RBFOX1: variants seen among roughly 807,000 people sequenced by gnomAD.
RBFOX1 encodes RNA binding fox-1 homolog 1.
Under a neutral mutation model 57.7 loss-of-function variants are expected in RBFOX1, and 8 were observed. The observed-to-expected ratio is 0.14, with a 90% CI of 0.08 to 0.25. The LOEUF (loss-of-function observed/expected upper bound fraction) is 0.25, where lower values mean the gene tolerates loss of function less well. Among genes scored for constraint, RBFOX1 ranks in the 10% least tolerant of loss-of-function variants. The probability of loss-of-function intolerance (pLI) is 1.00; values close to 1 mark genes in which losing one functional copy is unlikely to be tolerated. For synonymous variants in RBFOX1, 326 were observed against 222.4 expected (o/e 1.47, Z -4.15); for missense variants, 611 against 548.5 (o/e 1.11, Z -1.14).
intron 4 of RBFOX1, among the ~76,000 whole-genome samples, chr16:5,997,519 C>T (rs1424130): frequency 2.6e-5 from 4 of 152,102 alleles, no homozygotes; most frequent in Non-Finnish European, 4.4e-5. Context: ...CACACCTGTA[C>T]TTTATCTGAC....
At chr16:7,345,858 A>G (rs1442501855) in intron 4 of RBFOX1, among the ~76,000 whole-genome samples, 1 of 152,052 alleles carries the variant, frequency 6.6e-6, no homozygotes, top group Non-Finnish European at 1.5e-5. Context: ...TTTAAGTTCT[A>G]GGGTACATGT....
At position 6,896,372 on chromosome 16, in the gene RBFOX1, A is replaced by G. The variant is rs572950009; in HGVS notation, c.-15-155685A>G. ...TGAGTATAGTAATCAAATAATATGT[A>G]TGTCTTTTTCTTTCTTTTTTTCTTT... On this transcript the variant is annotated intron_variant, in intron 3 of 15. Transcript: ENST00000550418. 2.0e-5 allele frequency among the ~76,000 whole-genome samples: 3 copies of G among 152,282 alleles called. No individual in the cohort carries two copies. In the East Asian group the frequency reaches 5.8e-4, roughly 29 times the overall value.
chr16:5,260,549 C>T (rs1299314369), intron 1 of RBFOX1: 1 of 152,212 alleles, frequency 6.6e-6, no homozygotes, highest in Non-Finnish European at 1.5e-5. Flanking sequence ...GTTTCTAGAA[C>T]ATCTAAGAAA....
intron 2 of RBFOX1, among the ~76,000 whole-genome samples, chr16:6,459,073 C>T (rs371926019): frequency 5.3e-5 from 8 of 152,350 alleles, no homozygotes; most frequent in South Asian, 4.1e-4. Context: ...TGGTGGCTCA[C>T]GCCTGTAATC....
chr16:7,170,688 T>G (rs1175599159), intron 4 of RBFOX1, among the ~76,000 whole-genome samples: 1 of 152,232 alleles, frequency 6.6e-6, no homozygotes, highest in African/African-American at 2.4e-5. Context: ...TTGTTTTCTT[T>G]GGGTTTGGTT....
At position 7,053,904 on chromosome 16, in the gene RBFOX1, A is replaced by G. The variant is rs532118929; in HGVS notation, c.27+1806A>G. ...TATGTTTTGAATTGATAGATGGCAC[A>G]TTTGATTGGATAGAGCACACATATA... On this transcript the variant is annotated intron_variant, in intron 4 of 15. Transcript: ENST00000550418. 2.0e-5 allele frequency among the ~76,000 whole-genome samples: 3 copies of G among 152,202 alleles called. No individual in the cohort carries two copies. The South Asian group carries it at 6.2e-4, about 32-fold the overall frequency.
chr16:7,242,377 C>A (rs962483612), intron 4 of RBFOX1, among the ~76,000 whole-genome samples: 1 of 152,160 alleles, frequency 6.6e-6, no homozygotes, highest in African/African-American at 2.4e-5. Flanking sequence ...TGCCACATGA[C>A]AGCTGTGTGA....
At chr16:5,788,486 G>A (rs2054585368) in intron 3 of RBFOX1, among the ~76,000 whole-genome samples, 1 of 152,074 alleles carries the variant, frequency 6.6e-6, no homozygotes, top group African/African-American at 2.4e-5. Context: ...AAATTTAGCT[G>A]GGCATGGTGG....
intron 6 of RBFOX1, among the ~76,000 whole-genome samples, chr16:7,581,561 G>A (rs2093764535): frequency 6.6e-6 from 1 of 152,088 alleles, no homozygotes; most frequent in African/African-American, 2.4e-5. Flanking sequence ...AGGCTACAAT[G>A]CTAAGTCATA....
intron 1 of RBFOX1, among the ~76,000 whole-genome samples, chr16:5,324,718 A>T (rs1036304593): frequency 1.3e-5 from 2 of 152,178 alleles, no homozygotes; most frequent in African/African-American, 4.8e-5. Context: ...AGAAAACCAA[A>T]TACCACTTGT....
intron 14 of RBFOX1, among the ~76,000 whole-genome samples, chr16:7,696,935 C>T (rs1219237352): frequency 3.3e-5 from 5 of 152,092 alleles, no homozygotes; most frequent in African/African-American, 9.7e-5. Flanking sequence ...GTAAGACATC[C>T]AGTGTGGCCC....
At chr16:5,312,916 A>G (rs554121221) in intron 1 of RBFOX1, among the ~76,000 whole-genome samples, 1 of 152,268 alleles carries the variant, frequency 6.6e-6, no homozygotes, top group East Asian at 1.9e-4. Flanking sequence ...TGCCTCTCAC[A>G]TGGTGCCTCT....
intron 2 of RBFOX1, among the ~76,000 whole-genome samples, chr16:6,412,031 C>G (rs990862897): frequency 6.6e-6 from 1 of 151,556 alleles, no homozygotes; most frequent in Admixed American, 6.6e-5. Context: ...ACTCAGGAGG[C>G]TGAGGCAGGA....
chr16:6,883,121 C>T (rs1213875339), intron 3 of RBFOX1, among the ~76,000 whole-genome samples: 1 of 152,122 alleles, frequency 6.6e-6, no homozygotes, highest in African/African-American at 2.4e-5. Flanking sequence ...CAGTATATAT[C>T]AAGCAGATCA....
intron 4 of RBFOX1, among the ~76,000 whole-genome samples, chr16:5,897,915 A>G (rs1488975089): frequency 6.6e-6 from 1 of 150,974 alleles, no homozygotes; most frequent in Non-Finnish European, 1.5e-5. Context: ...AATTTTTCAT[A>G]GTCCCCTGGA....
chr16:5,443,548 C>T (rs941134187), intron 1 of RBFOX1, among the ~76,000 whole-genome samples: 13 of 152,128 alleles, frequency 8.5e-5, no homozygotes, highest in African/African-American at 2.9e-4. Flanking sequence ...CTGTGTTGGC[C>T]AGGCTGGTCT....
Position 5,295,150 on chromosome 16 carries a change from G to A in RBFOX1, c.219+55045G>A, listed in dbSNP as rs2151184149. Among the ~76,000 whole-genome samples the A allele has an allele frequency of 2.0e-5, 3 of 151,878 alleles. 1 individual carries two copies. The Middle Eastern group carries it at 0.01, about 517-fold the overall frequency. ...TTGGTATATGTAGCTGGGGTCACAT[G>A]CTTGACATGCCTGTGGAAAGCTTCT... On this transcript the variant is annotated intron_variant, in intron 1 of 2. Transcript: ENST00000585867.
intron 1 of RBFOX1, among the ~76,000 whole-genome samples, chr16:6,218,664 C>G (rs1464683636): frequency 2.0e-5 from 3 of 152,116 alleles, no homozygotes; most frequent in Non-Finnish European, 2.9e-5. Flanking sequence ...TTTGCTTCAC[C>G]TAGTTCACAA....
chr16:6,606,526 C>T (rs1469575431), intron 2 of RBFOX1, among the ~76,000 whole-genome samples: 1 of 152,132 alleles, frequency 6.6e-6, no homozygotes, highest in Admixed American at 6.6e-5. Context: ...TCCTCCTTCC[C>T]CTCTACGAGG....
Sources: allele counts gnomAD v4.1 joint callset (sites outside exome capture counted in the v4.1 genomes callset), GRCh38; gene constraint gnomAD v4.1.1; transcripts MANE v1.5; gene names NCBI Gene and HGNC (gene_info 2026-07-23, HGNC 2026-07-21).